The following CDH8 variants were observed in gnomAD, a reference collection of about 807,000 sequenced individuals.
CDH8 encodes the protein cadherin 8.
Under a neutral mutation model 68.1 loss-of-function variants are expected in CDH8, and 17 were observed. The ratio of observed to expected loss-of-function variants is 0.25; its 90% CI spans 0.17 to 0.37. CDH8 has a LOEUF of 0.37. Among genes scored for constraint, CDH8 ranks in the 10% least tolerant of loss-of-function variants. The probability of loss-of-function intolerance (pLI) is 1.00; values close to 1 mark genes in which losing one functional copy is unlikely to be tolerated. For missense variants in CDH8, 763 were observed against 999.3 expected (o/e 0.76, Z 3.19); for synonymous variants, 372 against 365.1 (o/e 1.02, Z -0.21).
chr16:61,940,126 T>C (rs1964689261), intron 2 of CDH8: 1 of 152,212 alleles, frequency 6.6e-6, no homozygotes, highest in African/African-American at 2.4e-5. Flanking sequence ...TATTTCTAGG[T>C]TAGTCATAGA....
chr16:61,806,984 A>G (rs1298649337), intron 7 of CDH8, among the ~76,000 whole-genome samples: 1 of 72,062 alleles, frequency 1.4e-5, no homozygotes, highest in Non-Finnish European at 2.5e-5. Flanking sequence ...ATATACCCAA[A>G]GGACTATAAA....
intron 2 of CDH8, among the ~76,000 whole-genome samples, chr16:62,009,454 A>C (rs939724023): frequency 1.3e-5 from 2 of 152,224 alleles, no homozygotes; most frequent in East Asian, 1.9e-4. Flanking sequence ...AGTTTCCAAG[A>C]GTACAGGGAA....
intron 9 of CDH8, among the ~76,000 whole-genome samples, chr16:61,723,218 C>T (rs2142885601): frequency 6.6e-6 from 1 of 150,792 alleles, no homozygotes; most frequent in African/African-American, 2.4e-5. Context: ...AGTTAGAACA[C>T]AGTTATGGAA....
chr16:61,874,498 A>AT (rs1413972838), intron 3 of CDH8, among the ~76,000 whole-genome samples: 8 of 151,736 alleles, frequency 5.3e-5, no homozygotes, highest in Admixed American at 3.3e-4. Flanking sequence ...CGCCCAGCTA[A>AT]TTTTTTGTAT....
intron 3 of CDH8, among the ~76,000 whole-genome samples, chr16:61,881,475 T>G (rs566237938): frequency 6.6e-6 from 1 of 152,308 alleles, no homozygotes; most frequent in South Asian, 2.1e-4. Context: ...AATCAATCCT[T>G]TGTTTTAAAC....
intron 9 of CDH8, among the ~76,000 whole-genome samples, chr16:61,722,965 AGATT>A (rs1959238865): frequency 6.6e-6 from 1 of 150,712 alleles, no homozygotes; most frequent in African/African-American, 2.4e-5. Context: ...ATACCCCACT[AGATT>A]TATTTATAGT....
At chr16:62,032,979 A>G (rs1902363756) in intron 1 of CDH8, among the ~76,000 whole-genome samples, 1 of 152,232 alleles carries the variant, frequency 6.6e-6, no homozygotes, top group South Asian at 2.1e-4. Flanking sequence ...AAACAATGAA[A>G]GGAACCTGGA....
At chr16:61,923,832 T>C (rs1184194174) in intron 2 of CDH8, among the ~76,000 whole-genome samples, 1 of 147,714 alleles carries the variant, frequency 6.8e-6, no homozygotes, top group Non-Finnish European at 1.5e-5. Flanking sequence ...ATATATGTGA[T>C]GTATATATTT....
intron 8 of CDH8, among the ~76,000 whole-genome samples, chr16:61,758,334 A>G (rs1960374702): frequency 6.6e-6 from 1 of 152,234 alleles, no homozygotes; most frequent in Non-Finnish European, 1.5e-5. Context: ...CTTTTTCTCA[A>G]TACCTAAACA....
At chr16:61,917,062 A>AGTGTGTGTGTGTGTGTGTGT (rs57232370) in intron 2 of CDH8, among the ~76,000 whole-genome samples, 4 of 137,390 alleles carry the variant, frequency 2.9e-5, no homozygotes, top group South Asian at 2.5e-4. Context: ...TTTACCTATT[A>AGTGTGTGTGTGTGTGTGTGT]GTGTGTGTGT....
chr16:62,032,207 G>T (rs2150623515), intron 1 of CDH8, among the ~76,000 whole-genome samples: 1 of 152,258 alleles, frequency 6.6e-6, no homozygotes. Flanking sequence ...AGAGTAGCCA[G>T]AAAGGCAAAT....
intron 2 of CDH8, among the ~76,000 whole-genome samples, chr16:61,903,419 G>C (rs1227081705): frequency 6.6e-6 from 1 of 152,210 alleles, no homozygotes; most frequent in Non-Finnish European, 1.5e-5. Context: ...CGCCTGCCGG[G>C]TTGACGCCAT....
chr16:61,689,780 A>G (rs1241642192), intron 10 of CDH8, among the ~76,000 whole-genome samples: 2 of 152,164 alleles, frequency 1.3e-5, no homozygotes, highest in East Asian at 3.9e-4. Context: ...AATCTTTCTG[A>G]AGATTTAAAC....
chr16:61,742,703 A>G (rs979685300), intron 8 of CDH8, among the ~76,000 whole-genome samples: 1 of 151,882 alleles, frequency 6.6e-6, no homozygotes, highest in Non-Finnish European at 1.5e-5. Flanking sequence ...TATATTAGTG[A>G]GTTTGTTTTG....
chr16:61,680,076 G>A lies in CDH8; in HGVS notation c.1655-24355C>T, dbSNP rs192219162. On this transcript the variant is annotated intron_variant, in intron 10 of 11. Transcript: ENST00000577390. ...AATTTTTTAAACTTAAGCATGTGAG[G>A]TTTCTAATAATAGTCCATCAACCAT... is the stretch of plus-strand genomic sequence containing the variant. Among the ~76,000 whole-genome samples the A allele has an allele frequency of 4.1e-4, 63 of 152,020 alleles. No individual in the cohort carries two copies. The Middle Eastern group carries it at 0.02, about 49-fold the overall frequency.
intron 7 of CDH8, among the ~76,000 whole-genome samples, chr16:61,817,261 TGGCTCTG>T (rs1962095668): frequency 6.6e-6 from 1 of 152,054 alleles, no homozygotes; most frequent in Non-Finnish European, 1.5e-5. Context: ...TTATTGTTCC[TGGCTCTG>T]GGCTCTATGT....
chr16:61,764,371 A>G (rs1241045897), intron 8 of CDH8, among the ~76,000 whole-genome samples: 1 of 152,150 alleles, frequency 6.6e-6, no homozygotes. Flanking sequence ...CTCAAATCAG[A>G]GTTCTTCAGT....
intron 2 of CDH8, among the ~76,000 whole-genome samples, chr16:61,938,488 C>T (rs1176967409): frequency 6.6e-6 from 1 of 152,128 alleles, no homozygotes; most frequent in Non-Finnish European, 1.5e-5. Context: ...ACAGAAGAGG[C>T]CCTACGCCTT....
intron 1 of CDH8, among the ~76,000 whole-genome samples, chr16:62,030,670 T>C (rs1328755841): frequency 6.6e-6 from 1 of 152,154 alleles, no homozygotes; most frequent in African/African-American, 2.4e-5. Context: ...ACATGGAAAA[T>C]ATTGTTCTGA....
Sources: allele counts gnomAD v4.1 joint callset (sites outside exome capture counted in the v4.1 genomes callset), GRCh38; gene constraint gnomAD v4.1.1; transcripts MANE v1.5; gene names NCBI Gene and HGNC (gene_info 2026-07-23, HGNC 2026-07-21).